Variants in GLRA2 observed in about 807,000 individuals in gnomAD.
The protein encoded by GLRA2 is glycine receptor subunit alpha-2.
Under a neutral mutation model 31.6 loss-of-function variants are expected in GLRA2, and 11 were observed. The observed-to-expected ratio is 0.35, with a 90% CI of 0.22 to 0.58. The LOEUF (loss-of-function observed/expected upper bound fraction) is 0.58, where lower values mean the gene tolerates loss of function less well. GLRA2 is among the 20% of genes least tolerant of loss of function. The pLI is 0.84. For missense variants in GLRA2, 212 were observed against 351.8 expected (o/e 0.60, Z 3.18); for synonymous variants, 132 against 134.0 (o/e 0.99, Z 0.10).
chrX:14,599,126 G>T, intron 4 of GLRA2, among the ~76,000 whole-genome samples: 1 of 112,455 alleles, frequency 8.9e-6, no homozygotes, highest in East Asian at 2.8e-4. Flanking sequence ...CTTACTTTCA[G>T]TAAAGAAGCA....
chrX:14,703,412 T>A (rs1486554427), intron 8 of GLRA2, among the ~76,000 whole-genome samples: 2 of 111,840 alleles, frequency 1.8e-5, no homozygotes, highest in Non-Finnish European at 3.8e-5. Flanking sequence ...TTGCCATGTG[T>A]ACCTCTGACC....
chrX:14,555,850 T>C (rs2089635109), intron 2 of GLRA2, among the ~76,000 whole-genome samples: 1 of 112,064 alleles, frequency 8.9e-6, no homozygotes, highest in Non-Finnish European at 1.9e-5. Context: ...TATATTCTTA[T>C]TAATAGCATT....
chrX:14,693,358 C>A (rs1345538436), intron 8 of GLRA2, among the ~76,000 whole-genome samples: 1 of 111,366 alleles, frequency 9.0e-6, no homozygotes, highest in Non-Finnish European at 1.9e-5. Context: ...GACTTTAAGA[C>A]CAAAATTATT....
chrX:14,528,458 G>A (rs1219667286), upstream of GLRA2, among the ~76,000 whole-genome samples: 1 of 111,705 alleles, frequency 9.0e-6, no homozygotes, highest in Non-Finnish European at 1.9e-5. Context: ...CAAAAAGTAG[G>A]TTACTCTCCT....
chrX:14,461,085 T>A, the GLRA2 span, among the ~76,000 whole-genome samples: 11 of 112,042 alleles, frequency 9.8e-5, no homozygotes, highest in African/African-American at 3.2e-4. Context: ...TTTCAAAGAA[T>A]ATATTTATTT....
intron 8 of GLRA2, among the ~76,000 whole-genome samples, chrX:14,699,167 C>T (rs1375770713): frequency 1.8e-5 from 2 of 111,979 alleles, no homozygotes; most frequent in African/African-American, 6.5e-5. Context: ...TTAATGTTAT[C>T]GCCTCTGCTC....
chrX:14,603,603 G>GA, intron 4 of GLRA2, among the ~76,000 whole-genome samples: 1 of 111,165 alleles, frequency 9.0e-6, no homozygotes, highest in Middle Eastern at 4.6e-3. Flanking sequence ...GATAACATTG[G>GA]AAAAAACCCT....
In GLRA2 at chrX:14,635,375, T is replaced by C. The variant is rs370652126; in HGVS notation, c.930+26170T>C. On this transcript the variant is annotated intron_variant, in intron 7 of 8. Coordinates refer to ENST00000218075, the MANE Select transcript of GLRA2 (RefSeq NM_002063.4). ...ATTATAAATGAGCTGTCATGTCCAC[T>C]GAGAAAATGAAGACAGCAAAAATGG... is the stretch of plus-strand genomic sequence containing the variant. Among the ~76,000 whole-genome samples the C allele has an allele frequency of 4.5e-5, 5 of 112,019 alleles. No individual in the cohort carries two copies. The East Asian group carries it at 1.1e-3, about 25-fold the overall frequency.
chrX:14,589,731 T>TACACAC (rs1231011586), intron 4 of GLRA2, among the ~76,000 whole-genome samples: 73 of 61,377 alleles, frequency 1.2e-3, no homozygotes, highest in African/African-American at 1.6e-3. Flanking sequence ...TGTGTGTGTA[T>TACACAC]ATATATGTGT....
At chrX:14,659,398 C>T (rs1266766467) in intron 7 of GLRA2, among the ~76,000 whole-genome samples, 2 of 112,133 alleles carry the variant, frequency 1.8e-5, no homozygotes, top group Non-Finnish European at 3.8e-5. Context: ...CTATATTTAC[C>T]AATCTAACAA....
chrX:14,595,755 G>C (rs1279985210), intron 4 of GLRA2, among the ~76,000 whole-genome samples: 1 of 111,426 alleles, frequency 9.0e-6, no homozygotes, highest in Non-Finnish European at 1.9e-5. Flanking sequence ...AGTAATTAAA[G>C]GTCCTTTACT....
the GLRA2 span, among the ~76,000 whole-genome samples, chrX:14,502,396 C>T: frequency 3.6e-5 from 4 of 112,003 alleles, no homozygotes; most frequent in East Asian, 1.1e-3. Context: ...AATACAAATA[C>T]ACATAATACA....
At chrX:14,561,125 T>A (rs2089727818) in intron 2 of GLRA2, among the ~76,000 whole-genome samples, 1 of 112,076 alleles carries the variant, frequency 8.9e-6, no homozygotes, top group Non-Finnish European at 1.9e-5. Context: ...AATAGTGTTC[T>A]GATTCAGGCT....
intron 2 of GLRA2, among the ~76,000 whole-genome samples, chrX:14,541,087 G>A (rs1477205309): frequency 1.8e-5 from 2 of 111,948 alleles, no homozygotes; most frequent in Non-Finnish European, 3.8e-5. Flanking sequence ...TAATATTAAT[G>A]TGCTTGTCCC....
chrX:14,465,000 A>G, the GLRA2 span, among the ~76,000 whole-genome samples: 2 of 111,951 alleles, frequency 1.8e-5, no homozygotes, highest in East Asian at 2.8e-4. Context: ...GTGGTTCCAT[A>G]TAAGTTTTAG....
the GLRA2 span, among the ~76,000 whole-genome samples, chrX:14,455,653 G>C: frequency 2.7e-5 from 3 of 111,588 alleles, no homozygotes; most frequent in Non-Finnish European, 5.7e-5. Flanking sequence ...TTTGGAAGAA[G>C]TTTGTTCTTG....
At chrX:14,458,860 G>A in the GLRA2 span, among the ~76,000 whole-genome samples, 1 of 111,750 alleles carries the variant, frequency 8.9e-6, no homozygotes, top group African/African-American at 3.3e-5. Flanking sequence ...TTGCTGTGCA[G>A]AAGCTCTTTA....
At chrX:14,697,289 G>A (rs2091462575) in intron 8 of GLRA2, among the ~76,000 whole-genome samples, 1 of 111,725 alleles carries the variant, frequency 9.0e-6, no homozygotes, top group Non-Finnish European at 1.9e-5. Context: ...TTTAGAATTT[G>A]TCCTGGATTA....
At chrX:14,672,692 C>T (rs2091106377) in intron 7 of GLRA2, among the ~76,000 whole-genome samples, 1 of 111,960 alleles carries the variant, frequency 8.9e-6, no homozygotes, top group African/African-American at 3.3e-5. Flanking sequence ...GTGAGATCAA[C>T]AGCCCAGCCA....
Sources: allele counts gnomAD v4.1 joint callset (sites outside exome capture counted in the v4.1 genomes callset), GRCh38; gene constraint gnomAD v4.1.1; transcripts MANE v1.5; gene names NCBI Gene and HGNC (gene_info 2026-07-23, HGNC 2026-07-21).